The following LEMD1 variants were observed in gnomAD, a reference collection of about 807,000 sequenced individuals.
The protein encoded by LEMD1 is LEM domain containing 1, also known as LEM domain-containing protein 1.
Under a neutral mutation model 17.4 loss-of-function variants are expected in LEMD1, and 18 were observed. That is an observed-to-expected ratio of 1.04 (90% CI 0.72 to 1.54). LEMD1 has a LOEUF of 1.54. LEMD1 is among the 40% of genes most tolerant of loss of function. The pLI, the probability that LEMD1 is intolerant of heterozygous loss-of-function variation, is 0.00. For synonymous variants in LEMD1, 88 were observed against 77.8 expected, an observed-to-expected ratio of 1.13 and a Z score of -0.69; for missense variants, 195 against 210.4, an observed-to-expected ratio of 0.93 and a Z score of 0.45.
intron 4 of LEMD1, among the ~76,000 whole-genome samples, chr1:205,410,144 A>G (rs1028481618): frequency 1.4e-5 from 2 of 142,324 alleles, no homozygotes; most frequent in African/African-American, 5.3e-5. Flanking sequence ...CTGGTCTTGC[A>G]CTCCTGGGCT....
At position 205,448,400 on chromosome 1, in the gene LEMD1, AG is replaced by A. The variant is rs1207625813; in HGVS notation, c.-39+1467del. Reference sequence around the variant, plus strand: ...AAAGCCATAGGCCACAGCAGAGTGGAGGGGTCCAGCGGCAGGAATCTCATAG... The same window carrying A: ...AAAGCCATAGGCCACAGCAGAGTGGAGGGTCCAGCGGCAGGAATCTCATAG... On this transcript the variant is annotated intron_variant, in intron 1 of 3. Coordinates refer to the LEMD1 transcript ENST00000367154. The surrounding 1 kb of genome is among the most constrained non-coding windows in gnomAD (Gnocchi z 4.7). The A allele has an allele frequency of 1.9e-6, 1 of 534,176 alleles. No individual in the cohort carries two copies. The highest frequency in any genetic ancestry group is 1.9e-5 in the African/African-American group (1 of 51,924). The allele number at this position is 534,176 out of a possible 1,614,324, so 33.1% of individuals were successfully genotyped here. A position where few individuals can be genotyped will look rare whatever the true frequency, so the allele number is the denominator to read the frequency against.
At position 205,448,264 on chromosome 1, in the gene LEMD1, G is replaced by C. The variant is rs559802179; in HGVS notation, c.-39+1604C>G. ...CTGGTGCCCCTTGGTGGCTGGCTCC[G>C]AACCTGGTCCCATGGGAGGTGCAGC... On this transcript the variant is annotated intron_variant, in intron 1 of 3. Transcript: ENST00000367154. This position sits in a 1 kb window ranked among gnomAD's most constrained non-coding sequence, Gnocchi z 4.7. 1 of 510,974 alleles carries C rather than the reference G, an allele frequency of 2.0e-6. No homozygotes were observed. Among genetic ancestry groups the C allele is most frequent in the East Asian group, 5.6e-5 (1 of 17,734 alleles). 31.7% of individuals were successfully genotyped at this position (510,974 alleles called of 1,614,324 possible). A position where few individuals can be genotyped will look rare whatever the true frequency, so the allele number is the denominator to read the frequency against.
chr1:205,395,610 A>G (rs1473023620), intron 4 of LEMD1, among the ~76,000 whole-genome samples: 1 of 148,678 alleles, frequency 6.7e-6, no homozygotes, highest in East Asian at 1.9e-4. Flanking sequence ...AAAAAAAAAG[A>G]AAAAAAAGAG....
chr1:205,417,370 C>T (rs922119719), intron 3 of LEMD1, among the ~76,000 whole-genome samples: 14 of 152,200 alleles, frequency 9.2e-5, no homozygotes, highest in African/African-American at 3.1e-4. Context: ...GGACCCAGGA[C>T]GGCGGGGACT....
chr1:205,382,419 A>G (rs1337771019), intron 5 of LEMD1, among the ~76,000 whole-genome samples: 2 of 152,038 alleles, frequency 1.3e-5, no homozygotes, highest in Non-Finnish European at 2.9e-5. Flanking sequence ...CCTGTCTCCA[A>G]AAAAATTAAA....
Position 205,384,377 on chromosome 1 carries a change from A to G in LEMD1, c.271-13T>C. On this transcript the variant is annotated splice_polypyrimidine_tract_variant and intron_variant, in intron 4 of 5. Transcript: ENST00000367153. ...AAGCCTCAGGCCACTGATAAACAGA[A>G]AGAAAATGTCAAGAGGAATTTGTTT... is the stretch of plus-strand genomic sequence containing the variant. 1 of 1,473,910 alleles carries G rather than the reference A, an allele frequency of 6.8e-7. No individual in the cohort carries two copies. 91.3% of individuals were successfully genotyped at this position (1,473,910 alleles called of 1,614,324 possible). A position where few individuals can be genotyped will look rare whatever the true frequency, so the allele number is the denominator to read the frequency against.
rs2102475635 is a variant in LEMD1, at chr1:205,448,102, A to C, written c.-39+1766T>G. On this transcript the variant is annotated intron_variant, in intron 1 of 3. Coordinates refer to the LEMD1 transcript ENST00000367154. The surrounding 1 kb of genome is among the most constrained non-coding windows in gnomAD (Gnocchi z 4.7). ...TCCTCAGAGGGAATCTCCCTCTGGA[A>C]TCACCGGCCCAGTCTCTTCATTCCA... 6.6e-6 allele frequency among the ~76,000 whole-genome samples: 1 copy of C among 152,278 alleles called. No individual in the cohort carries two copies. The highest frequency in any genetic ancestry group is 1.9e-4 in the East Asian group (1 of 5,162).
In LEMD1 at chr1:205,384,320, AT is replaced by A; in HGVS notation, c.314del (p.Tyr105PhefsTer52). 1 of 1,523,748 alleles carries A rather than the reference AT, an allele frequency of 6.6e-7. No individual in the cohort carries two copies. The highest frequency in any genetic ancestry group is 8.8e-7 in the Non-Finnish European group (1 of 1,136,700). The allele number at this position is 1,523,748 out of a possible 1,614,324, so 94.4% of individuals were successfully genotyped here. A position where few individuals can be genotyped will look rare whatever the true frequency, so the allele number is the denominator to read the frequency against. ...CCTTGGAAGGCTTATAATCCAAGCA[AT>A]AGGTATCTACAGCTTTGCGTTTAGT... ...STTKRKAVDT[Y>X]CLDYKPSKGR... On this transcript the variant is annotated frameshift_variant, in exon 5 of 6. Transcript: ENST00000367153. LOFTEE classifies it low-confidence loss of function (END_TRUNC).
chr1:205,446,189 A>G (rs1237891716), intron 1 of LEMD1, among the ~76,000 whole-genome samples: 1 of 152,210 alleles, frequency 6.6e-6, no homozygotes, highest in Non-Finnish European at 1.5e-5. Flanking sequence ...TGTGAAATAT[A>G]CAATCACATA....
At chr1:205,443,563 C>CGA (rs904173975) in intron 1 of LEMD1, among the ~76,000 whole-genome samples, 34 of 152,098 alleles carry the variant, frequency 2.2e-4, no homozygotes, top group African/African-American at 8.2e-4. Flanking sequence ...GAGAGGTGTT[C>CGA]GAGGGCTGGC....
intron 4 of LEMD1, among the ~76,000 whole-genome samples, chr1:205,396,197 T>G (rs940491940): frequency 6.6e-6 from 1 of 152,184 alleles, no homozygotes; most frequent in Admixed American, 6.5e-5. Context: ...ATTTTATTTT[T>G]AGAGACAGGG....
At chr1:205,445,715 G>T (rs1237560407) in intron 1 of LEMD1, among the ~76,000 whole-genome samples, 1 of 152,198 alleles carries the variant, frequency 6.6e-6, no homozygotes, top group Non-Finnish European at 1.5e-5. Context: ...GTGTTTTCCA[G>T]CCTGGCTCGG....
intron 4 of LEMD1, among the ~76,000 whole-genome samples, chr1:205,392,690 TAAAC>T (rs1460366983): frequency 2.0e-5 from 3 of 151,204 alleles, no homozygotes; most frequent in African/African-American, 4.9e-5. Context: ...TAGAAAAAAA[TAAAC>T]AGTGTCTCAG....
intron 4 of LEMD1, among the ~76,000 whole-genome samples, chr1:205,408,632 G>C (rs1353613943): frequency 1.3e-5 from 2 of 151,180 alleles, no homozygotes; most frequent in South Asian, 4.2e-4. Flanking sequence ...CAAGTAGCTG[G>C]GACCACAGGT....
chr1:205,409,929 C>G (rs1390423323), intron 4 of LEMD1, among the ~76,000 whole-genome samples: 1 of 151,984 alleles, frequency 6.6e-6, no homozygotes, highest in African/African-American at 2.4e-5. Context: ...TGCACCACCA[C>G]GCCCAGCTAA....
intron 1 of LEMD1, among the ~76,000 whole-genome samples, chr1:205,429,959 G>A (rs61824228): frequency 0.041 from 6,192 of 152,278 alleles, 168 homozygotes; most frequent in Non-Finnish European, 0.065. Context: ...CTGTGCACAG[G>A]TGTCGCTTCC....
intron 1 of LEMD1, among the ~76,000 whole-genome samples, chr1:205,430,685 C>T (rs1184877336): frequency 1.3e-5 from 2 of 152,276 alleles, no homozygotes; most frequent in East Asian, 3.9e-4. Flanking sequence ...CGCACACCTC[C>T]GCGCCCACAC....
chr1:205,428,552 G>A (rs1666086887), intron 1 of LEMD1, among the ~76,000 whole-genome samples: 2 of 152,146 alleles, frequency 1.3e-5, no homozygotes. Context: ...CAAGCAAATG[G>A]AGTGAACGAG....
At chr1:205,436,469 G>A (rs1006917722) in intron 1 of LEMD1, 5 of 151,822 alleles carry the variant, frequency 3.3e-5, no homozygotes, top group African/African-American at 1.2e-4. Context: ...CAGGCGGACT[G>A]GCCACAATAA....
Sources: allele counts gnomAD v4.1 joint callset (sites outside exome capture counted in the v4.1 genomes callset), GRCh38; gene constraint gnomAD v4.1.1; non-coding constraint Gnocchi (gnomAD v3.1); transcripts MANE v1.5; gene names NCBI Gene and HGNC (gene_info 2026-07-23, HGNC 2026-07-21).